The following AKAP19 variants were observed in gnomAD, a reference collection of about 807,000 sequenced individuals.
AKAP19 encodes small A-kinase anchoring protein.
the AKAP19 span, among the ~76,000 whole-genome samples, chr2:190,178,424 C>T: frequency 2.0e-5 from 3 of 152,228 alleles, no homozygotes; most frequent in African/African-American, 4.8e-5. The surrounding 1 kb of genome is among the most constrained non-coding windows in gnomAD (Gnocchi z 6.3). Flanking sequence ...CAGAGAGGGC[C>T]ACTCACAGAA....
chr2:189,985,976 AT>A, the AKAP19 span, among the ~76,000 whole-genome samples: 34 of 152,356 alleles, frequency 2.2e-4, no homozygotes, highest in African/African-American at 7.7e-4. Flanking sequence ...GAGCAAAAAA[AT>A]ATATGTACAA....
chr2:190,054,196 CAT>C, the AKAP19 span, among the ~76,000 whole-genome samples: 1 of 151,940 alleles, frequency 6.6e-6, no homozygotes, highest in East Asian at 1.9e-4. Flanking sequence ...CCTATGAAAA[CAT>C]ATAAATAGTT....
the AKAP19 span, among the ~76,000 whole-genome samples, chr2:190,033,279 C>G: frequency 6.6e-6 from 1 of 152,086 alleles, no homozygotes; most frequent in Non-Finnish European, 1.5e-5. Context: ...TTACAGATGA[C>G]AGGAATGCTT....
At chr2:190,115,295 A>G in the AKAP19 span, among the ~76,000 whole-genome samples, 3 of 7,692 alleles carry the variant, frequency 3.9e-4, no homozygotes, top group East Asian at 3.9e-3. Context: ...ATATATATAT[A>G]TATATATTTT....
At chr2:190,007,140 G>T in the AKAP19 span, among the ~76,000 whole-genome samples, 1 of 152,202 alleles carries the variant, frequency 6.6e-6, no homozygotes, top group Admixed American at 6.5e-5. Flanking sequence ...TCACAGTAGA[G>T]AAGTGGAATG....
the AKAP19 span, among the ~76,000 whole-genome samples, chr2:190,054,265 G>A: frequency 1.3e-5 from 2 of 152,040 alleles, no homozygotes; most frequent in Non-Finnish European, 2.9e-5. Flanking sequence ...AATAAATGGT[G>A]CTGGGAAAAC....
At chr2:190,104,242 A>C in the AKAP19 span, among the ~76,000 whole-genome samples, 2 of 152,222 alleles carry the variant, frequency 1.3e-5, no homozygotes, top group African/African-American at 2.4e-5. Flanking sequence ...TCTTAGAAGA[A>C]AACCTAGGAA....
At chr2:190,094,536 G>C in the AKAP19 span, among the ~76,000 whole-genome samples, 1 of 152,200 alleles carries the variant, frequency 6.6e-6, no homozygotes, top group Non-Finnish European at 1.5e-5. Flanking sequence ...GGGGAGTGGA[G>C]TTCAAAGTTT....
the AKAP19 span, among the ~76,000 whole-genome samples, chr2:189,933,915 G>A: frequency 6.6e-6 from 1 of 152,016 alleles, no homozygotes; most frequent in Non-Finnish European, 1.5e-5. Flanking sequence ...AATATGGCAT[G>A]TCCTAAGAAG....
the AKAP19 span, among the ~76,000 whole-genome samples, chr2:190,135,774 G>A: frequency 6.6e-6 from 1 of 152,148 alleles, no homozygotes; most frequent in Non-Finnish European, 1.5e-5. Context: ...TTAGTGCTTG[G>A]CACAAAATAA....
chr2:190,013,244 T>A, the AKAP19 span, among the ~76,000 whole-genome samples: 6 of 152,314 alleles, frequency 3.9e-5, no homozygotes, highest in Middle Eastern at 3.4e-3. Context: ...GGGTATTGGA[T>A]GTTTCTTTGA....
At chr2:190,180,989 C>G in the AKAP19 span, 4 of 985,694 alleles carry the variant, frequency 4.1e-6, no homozygotes, top group African/African-American at 7.0e-5. The surrounding 1 kb of genome is among the most constrained non-coding windows in gnomAD (Gnocchi z 6.8). Context: ...AGCCCCCCTC[C>G]CACGACAGGG....
chr2:190,112,340 C>T, the AKAP19 span, among the ~76,000 whole-genome samples: 16 of 152,198 alleles, frequency 1.1e-4, no homozygotes, highest in African/African-American at 3.9e-4. Flanking sequence ...AAGAGGAACA[C>T]TATAGATTCT....
chr2:190,167,293 A>G, the AKAP19 span, among the ~76,000 whole-genome samples: 1 of 152,120 alleles, frequency 6.6e-6, no homozygotes, highest in Non-Finnish European at 1.5e-5. Flanking sequence ...TTACCACGAG[A>G]ACAGCACAGG....
At chr2:190,171,428 A>C in the AKAP19 span, among the ~76,000 whole-genome samples, 6 of 152,168 alleles carry the variant, frequency 3.9e-5, no homozygotes. Context: ...TCAAAATGAA[A>C]ATCATTTTAT....
chr2:190,139,003 C>A, the AKAP19 span, among the ~76,000 whole-genome samples: 1 of 132,204 alleles, frequency 7.6e-6, no homozygotes, highest in Admixed American at 8.4e-5. Context: ...TTTTCACAAG[C>A]CTTTGTGGAT....
At chr2:190,061,401 A>G in the AKAP19 span, among the ~76,000 whole-genome samples, 1 of 152,014 alleles carries the variant, frequency 6.6e-6, no homozygotes, top group Non-Finnish European at 1.5e-5. Flanking sequence ...GTTATCTGTC[A>G]GAAGCAGTGT....
the AKAP19 span, among the ~76,000 whole-genome samples, chr2:190,067,469 A>G: frequency 1.3e-5 from 2 of 151,216 alleles, no homozygotes; most frequent in Non-Finnish European, 2.9e-5. Context: ...TTTTAATGAG[A>G]CATCAAACAT....
At chr2:190,048,993 A>T in the AKAP19 span, among the ~76,000 whole-genome samples, 7 of 152,204 alleles carry the variant, frequency 4.6e-5, no homozygotes, top group Non-Finnish European at 1.0e-4. Context: ...TACTCCTCAC[A>T]TAGAGGAGTA....
Sources: allele counts gnomAD v4.1 joint callset (sites outside exome capture counted in the v4.1 genomes callset), GRCh38; gene constraint gnomAD v4.1.1; non-coding constraint Gnocchi (gnomAD v3.1); transcripts MANE v1.5; gene names NCBI Gene and HGNC (gene_info 2026-07-23, HGNC 2026-07-21).